PRRC2B: variants seen among roughly 807,000 people sequenced by gnomAD.
The protein encoded by PRRC2B is protein PRRC2B.
Under a neutral mutation model 242.3 loss-of-function variants are expected in PRRC2B, and 68 were observed. That is an observed-to-expected ratio of 0.28 (90% CI 0.23 to 0.34). The LOEUF is 0.34. PRRC2B is among the 10% of genes least tolerant of loss of function. PRRC2B has a pLI of 1.00. For missense variants in PRRC2B, 2,835 were observed against 2,954.8 expected, an observed-to-expected ratio of 0.96 and a Z score of 0.94; for synonymous variants, 1,228 against 1,173.6, an observed-to-expected ratio of 1.05 and a Z score of -0.95.
intron 1 of PRRC2B, among the ~76,000 whole-genome samples, chr9:131,395,068 TTTTTTTCCTTTTTC>T (rs1483854399): frequency 6.6e-6 from 1 of 151,520 alleles, no homozygotes; most frequent in African/African-American, 2.4e-5. Flanking sequence ...AAGAGGTGGA[TTTTTTTCCTTTTTC>T]TTTTTTCCTC....
At position 131,485,965 on chromosome 9, in the gene PRRC2B, C is replaced by A. The variant is rs560423863; in HGVS notation, c.5759-120C>A. 1.0e-4 allele frequency: 78 copies of A among 749,188 alleles called. No homozygotes were observed. In the East Asian group the frequency reaches 2.1e-3, roughly 20 times the overall value. 46.4% of individuals were successfully genotyped at this position (749,188 alleles called of 1,614,324 possible). On this transcript the variant is annotated intron_variant, in intron 25 of 31. Transcript: ENST00000683519. ...GGGAACCTAGCAGCCTCTGTACACA[C>A]GCCCTCGTCCCCACTGAGTCCCCTG...
chr9:131,412,344 A>G (rs377022366), intron 1 of PRRC2B, among the ~76,000 whole-genome samples: 11 of 151,806 alleles, frequency 7.2e-5, no homozygotes, highest in South Asian at 2.1e-4. Context: ...TCATCTGTAT[A>G]GTTGTGTATG....
chr9:131,420,956 C>G (rs906996243), intron 1 of PRRC2B, among the ~76,000 whole-genome samples: 1 of 152,174 alleles, frequency 6.6e-6, no homozygotes, highest in African/African-American at 2.4e-5. Context: ...GTATTCATGT[C>G]CATACTTTAC....
chr9:131,397,563 G>GTTTTTTTTT (rs58424444), intron 1 of PRRC2B, among the ~76,000 whole-genome samples: 20 of 98,992 alleles, frequency 2.0e-4, no homozygotes, highest in African/African-American at 4.2e-4. Flanking sequence ...ACTTTTGAGG[G>GTTTTTTTTT]TTTTTTTTTT....
At chr9:131,399,362 G>C (rs1335787160) in intron 1 of PRRC2B, among the ~76,000 whole-genome samples, 1 of 150,482 alleles carries the variant, frequency 6.6e-6, no homozygotes, top group Admixed American at 6.6e-5. Context: ...GGCGGATCAC[G>C]AGGTCAGGAG....
chr9:131,445,791 A>G (rs1157904158), intron 6 of PRRC2B, among the ~76,000 whole-genome samples: 1 of 152,196 alleles, frequency 6.6e-6, no homozygotes, highest in Admixed American at 6.5e-5. Flanking sequence ...GTTGGCCTCT[A>G]ATAATTTCCA....
chr9:131,448,525 CAG>C lies in PRRC2B; in HGVS notation c.1120+724_1120+725del, dbSNP rs1459315232. On this transcript the variant is annotated intron_variant, in intron 9 of 31. Coordinates refer to ENST00000683519, the MANE Select transcript of PRRC2B (RefSeq NM_013318.4). ...CACCACTGCACTCCAGCTTGGGCGA[CAG>C]AGGGAGACACTGTCTCAAAAAAAAA... Among the ~76,000 whole-genome samples the C allele has an allele frequency of 5.2e-5, 4 of 77,148 alleles. No homozygotes were observed. In the Admixed American group the frequency reaches 7.6e-4, roughly 15 times the overall value. The allele number at this position is 77,148 out of a possible 152,430, so 50.6% of individuals were successfully genotyped here.
intron 1 of PRRC2B, among the ~76,000 whole-genome samples, chr9:131,420,862 C>T (rs976158111): frequency 6.6e-6 from 1 of 151,942 alleles, no homozygotes; most frequent in Non-Finnish European, 1.5e-5. Flanking sequence ...AGGCTGTCAT[C>T]GAGTGAGGCA....
rs768307729 is a variant in PRRC2B, at chr9:131,446,603, A to G, written c.816A>G (p.Val272=). The G allele has an allele frequency of 6.2e-7, 1 of 1,613,998 alleles. No individual in the cohort carries two copies. The highest frequency in any genetic ancestry group is 1.1e-5 in the South Asian group (1 of 91,080). ...GGGCTTCACAGTTCATGGGAAATGTATACCACCCACCTACATACCATGACA... is the reference window on the plus strand; with the variant it reads ...GGGCTTCACAGTTCATGGGAAATGTGTACCACCCACCTACATACCATGACA... ...RKGASQFMGN[V]YHPPTYHDML... is the part of the protein sequence containing the mutation. Residue 272 remains valine (V), a synonymous_variant, in exon 7 of 32, where the codon GTA becomes GTG. Transcript: ENST00000683519. This position sits in a 1 kb window ranked among gnomAD's most constrained non-coding sequence, Gnocchi z 4.1.
chr9:131,445,935 G>T (rs1453578750), intron 6 of PRRC2B, among the ~76,000 whole-genome samples: 1 of 152,228 alleles, frequency 6.6e-6, no homozygotes, highest in Non-Finnish European at 1.5e-5. Context: ...TGTCTTGTGG[G>T]CTGGGGGATC....
intron 1 of PRRC2B, among the ~76,000 whole-genome samples, chr9:131,404,912 G>A (rs953771431): frequency 1.3e-5 from 2 of 152,240 alleles, no homozygotes; most frequent in Non-Finnish European, 2.9e-5. Context: ...ATGTAAGCAT[G>A]TAAGTGTGAG....
At chr9:131,409,522 A>G (rs1165354744) in intron 1 of PRRC2B, among the ~76,000 whole-genome samples, 1 of 152,242 alleles carries the variant, frequency 6.6e-6, no homozygotes, top group African/African-American at 2.4e-5. Flanking sequence ...CTGAATGTGT[A>G]TTAGTAACAT....
chr9:131,425,574 C>G (rs893197333), intron 1 of PRRC2B, among the ~76,000 whole-genome samples: 3 of 151,750 alleles, frequency 2.0e-5, no homozygotes, highest in African/African-American at 7.3e-5. Context: ...CTGCAAGCTC[C>G]CCTTCTGGGT....
intron 18 of PRRC2B, 30 bp downstream of exon 18, chr9:131,478,649 G>GGGGGGGGGGGCCCCAGGGCC: frequency 2.0e-6 from 1 of 504,558 alleles, no homozygotes; most frequent in Non-Finnish European, 4.0e-6. Context: ...GGGGCATGGG[G>GGGGGGGGGGGCCCCAGGGCC]CTGGAGGGCA....
In PRRC2B at chr9:131,456,205, TTG is replaced by T. The variant is rs1943069565; in HGVS notation, c.1211+1041_1211+1042del. 7.1e-5 allele frequency among the ~76,000 whole-genome samples: 5 copies of T among 70,072 alleles called. No homozygotes were observed. The Admixed American group carries it at 7.8e-4, about 11-fold the overall frequency. The allele number at this position is 70,072 out of a possible 152,430, so 46.0% of individuals were successfully genotyped here. ...CTGAATTTATTTGACCATGTTAATT[TTG>T]TCTCTTTTTTTTTTTTTTTTTTTGG... On this transcript the variant is annotated intron_variant, in intron 10 of 31. Coordinates refer to ENST00000683519, the MANE Select transcript of PRRC2B (RefSeq NM_013318.4).
At chr9:131,392,827 C>G (rs1041768537), upstream of PRRC2B, among the ~76,000 whole-genome samples, 5 of 150,872 alleles carry the variant, frequency 3.3e-5, no homozygotes, top group African/African-American at 4.9e-5. Flanking sequence ...GCAGGAGAAT[C>G]GCTTGAATCT....
chr9:131,374,989 G>C (rs974886585), intron 1 of PRRC2B, among the ~76,000 whole-genome samples: 3 of 152,164 alleles, frequency 2.0e-5, no homozygotes, highest in Admixed American at 6.5e-5. Context: ...GCAGAAGCTG[G>C]GCAATTAATG....
chr9:131,374,180 A>AC (rs546094907), intron 1 of PRRC2B, among the ~76,000 whole-genome samples: 3 of 151,998 alleles, frequency 2.0e-5, no homozygotes, highest in Non-Finnish European at 4.4e-5. Flanking sequence ...TAACACATAT[A>AC]CCCCCCAAAT....
chr9:131,488,619 G>C (rs1172823521), intron 28 of PRRC2B, among the ~76,000 whole-genome samples: 4 of 152,252 alleles, frequency 2.6e-5, no homozygotes, highest in African/African-American at 9.6e-5. Flanking sequence ...GCCTGCTCCT[G>C]CAGCCCCCAG....
Sources: gnomAD v4.1 joint callset for allele counts (sites outside exome capture counted in the v4.1 genomes callset) on GRCh38, gnomAD v4.1.1 for gene constraint, Gnocchi (gnomAD v3.1) non-coding constraint, MANE v1.5 for transcripts, NCBI Gene and HGNC (gene_info 2026-07-23, HGNC 2026-07-21) for gene names.